The following GLB1L3 variants were observed in gnomAD, a reference collection of about 807,000 sequenced individuals.
GLB1L3 encodes galactosidase beta 1 like 3, also known as beta-galactosidase-1-like protein 3.
In GLB1L3, 89 loss-of-function variants were observed where a neutral mutation model predicts 89.5. That is an observed-to-expected ratio of 0.99 (90% confidence interval 0.84 to 1.19). GLB1L3 has a LOEUF of 1.19. GLB1L3 is among the 50% of genes most tolerant of loss of function. GLB1L3 has a pLI of 0.00. For synonymous variants in GLB1L3, 314 were observed against 312.3 expected (o/e 1.01, Z -0.06); for missense variants, 812 against 813.3 (o/e 1.00, Z 0.02).
intron 14 of GLB1L3, 133 bp downstream of exon 14, chr11:134,312,622 T>G: frequency 8.4e-7 from 1 of 1,194,062 alleles, no homozygotes; most frequent in South Asian, 1.5e-5. Context: ...GACTAAAAAG[T>G]CAGGCCAAAT....
intron 11 of GLB1L3, 100 bp from the exon 12 acceptor site, chr11:134,310,471 G>A (rs779099170): frequency 3.7e-6 from 3 of 814,484 alleles, no homozygotes; most frequent in Non-Finnish European, 6.1e-6. Context: ...TCTTCCTTTT[G>A]TCTCACTCAC....
In GLB1L3 at chr11:134,277,859, C is replaced by G; in HGVS notation, c.309C>G (p.Tyr103Ter). 1 of 1,614,084 alleles carries G rather than the reference C, an allele frequency of 6.2e-7. No homozygotes were observed. The highest frequency in any genetic ancestry group is 1.1e-5 in the South Asian group (1 of 91,084). The change falls in exon 3 of 20, where the codon TAC (tyrosine) becomes TAG (stop). Residue 103 changes from tyrosine (Y) to a stop codon, truncating the protein, a stop_gained. Coordinates refer to ENST00000431683, the MANE Select transcript of GLB1L3 (RefSeq NM_001080407.3). LOFTEE classifies it high-confidence loss of function. The part of the protein sequence containing the change: ...SIHYFRVPRE[Y>*]WRDRLLKLKA... Reference sequence around the variant, plus strand: ...ACTATTTCCGGGTGCCCAGGGAGTACTGGAGGGACCGCCTGCTGAAGCTGA... The same window carrying G: ...ACTATTTCCGGGTGCCCAGGGAGTAGTGGAGGGACCGCCTGCTGAAGCTGA...
intron 9 of GLB1L3, among the ~76,000 whole-genome samples, chr11:134,303,560 T>G (rs569901210): frequency 4.7e-4 from 71 of 152,338 alleles, no homozygotes; most frequent in African/African-American, 1.5e-3. Flanking sequence ...CTGAGTCCCC[T>G]GCAGTCTAAA....
chr11:134,323,444 G>A (rs1943190461), downstream of GLB1L3, among the ~76,000 whole-genome samples: 1 of 151,868 alleles, frequency 6.6e-6, no homozygotes, highest in Admixed American at 6.6e-5. Context: ...GCCTGGTGGT[G>A]GGTGCATGTA....
chr11:134,313,780 A>C (rs953971954), intron 16 of GLB1L3, among the ~76,000 whole-genome samples, 161 bp from the exon 17 acceptor site: 10 of 152,240 alleles, frequency 6.6e-5, no homozygotes, highest in African/African-American at 2.4e-4. Context: ...GGAAACATAC[A>C]GCTAGAACCC....
In GLB1L3 at chr11:134,293,226, A is replaced by T; in HGVS notation, c.876+17A>T. On this transcript the variant is annotated intron_variant, in intron 9 of 19. Transcript: ENST00000431683. ...AAAGTCCAGGTAAGACATTTCAGAC[A>T]GGCAGGGTTTTACAGCTCCTCCTAC... is the stretch of plus-strand genomic sequence containing the variant. The T allele has an allele frequency of 6.2e-7, 1 of 1,608,332 alleles. No homozygotes were observed.
At chr11:134,322,955 C>T (rs577121326), downstream of GLB1L3, among the ~76,000 whole-genome samples, 53 of 152,280 alleles carry the variant, frequency 3.5e-4, no homozygotes, top group Middle Eastern at 3.4e-3. Context: ...CTGGGTCATA[C>T]GGTAATTCTG....
At chr11:134,321,947 A>G (rs1166774592), downstream of GLB1L3, among the ~76,000 whole-genome samples, 1 of 152,194 alleles carries the variant, frequency 6.6e-6, no homozygotes, top group African/African-American at 2.4e-5. Flanking sequence ...AGAAACACAT[A>G]TTAAGACAGT....
chr11:134,292,721 A>AG (rs1213979724), intron 8 of GLB1L3: 1 of 291,140 alleles, frequency 3.4e-6, no homozygotes, highest in Admixed American at 4.9e-5. Flanking sequence ...AGATGGCAAT[A>AG]GTGAGGGACA....
At chr11:134,306,854 CAG>C (rs1942227923) in intron 9 of GLB1L3, among the ~76,000 whole-genome samples, 1 of 152,340 alleles carries the variant, frequency 6.6e-6, no homozygotes, top group African/African-American at 2.4e-5. Flanking sequence ...TTGGGTGAGA[CAG>C]GGTTGAAATT....
At position 134,276,896 on chromosome 11, in the gene GLB1L3, G is replaced by A. The variant is rs936881982; in HGVS notation, c.23+133G>A. 72 of 769,978 alleles carry A rather than the reference G, an allele frequency of 9.4e-5. 1 individual carries two copies. The African/African-American group carries it at 1.0e-3, about 11-fold the overall frequency. The allele number at this position is 769,978 out of a possible 1,614,324, so 47.7% of individuals were successfully genotyped here. Reference sequence around the variant, plus strand: ...CGCGCCGGGCCGCGCCACCAAGCCCGCTGTCCCCAGCTTTCCTCGGCAGAT... The same window carrying A: ...CGCGCCGGGCCGCGCCACCAAGCCCACTGTCCCCAGCTTTCCTCGGCAGAT... On this transcript the variant is annotated intron_variant, in intron 1 of 19. Transcript: ENST00000431683.
In GLB1L3 at chr11:134,308,472, A is replaced by ATC. The variant is rs761214840; in HGVS notation, c.962-1154_962-1153insTC. ...CACCACCACCACCACCACCACCACC[A>ATC]AATACCACCACCACCATCACCACCA... On this transcript the variant is annotated intron_variant, in intron 10 of 19. Transcript: ENST00000431683. Among the ~76,000 whole-genome samples the ATC allele has an allele frequency of 1.2e-3, 6 of 5,074 alleles. 2 individuals are homozygous for ATC. Among genetic ancestry groups the ATC allele is most frequent in the African/African-American group, 3.7e-3 (4 of 1,094 alleles). 3.3% of individuals were successfully genotyped at this position (5,074 alleles called of 152,430 possible). A position where few individuals can be genotyped will look rare whatever the true frequency, so the allele number is the denominator to read the frequency against.
chr11:134,284,710 C>T (rs1170417221), intron 6 of GLB1L3, among the ~76,000 whole-genome samples: 1 of 152,044 alleles, frequency 6.6e-6, no homozygotes, highest in Non-Finnish European at 1.5e-5. Context: ...GCCTGGGCAA[C>T]AGAGTGACAC....
intron 10 of GLB1L3, among the ~76,000 whole-genome samples, chr11:134,308,591 ACCATCACCT>A (rs1942531755): frequency 6.9e-6 from 1 of 144,876 alleles, no homozygotes; most frequent in Non-Finnish European, 1.5e-5. Flanking sequence ...CACCATCATC[ACCATCACCT>A]CCACCACCAC....
At chr11:134,290,001 G>A (rs369966037) in intron 7 of GLB1L3, among the ~76,000 whole-genome samples, 4 of 152,354 alleles carry the variant, frequency 2.6e-5, no homozygotes, top group Admixed American at 6.5e-5. Context: ...GGGCGGGAAG[G>A]AGAGGGGTCC....
chr11:134,286,391 C>CAA (rs1940983750), intron 6 of GLB1L3, among the ~76,000 whole-genome samples: 1 of 152,198 alleles, frequency 6.6e-6, no homozygotes, highest in Admixed American at 6.5e-5. Context: ...AGTTGAGGTA[C>CAA]ATCTTTTGTT....
In GLB1L3 at chr11:134,319,176, A is replaced by T. The variant is rs1591600883; in HGVS notation, c.*234A>T. On this transcript the variant is annotated 3_prime_UTR_variant, in exon 20 of 20. Coordinates refer to ENST00000431683, the MANE Select transcript of GLB1L3 (RefSeq NM_001080407.3). ...TCACCAAGTTAGCCAGGATGGTCCC[A>T]ATCTCCTGACCTTGTGATCTGCTCT... 1 of 466,084 alleles carries T rather than the reference A, an allele frequency of 2.1e-6. No individual in the cohort carries two copies. Among genetic ancestry groups the T allele is most frequent in the Non-Finnish European group, 3.9e-6 (1 of 258,346 alleles). 28.9% of individuals were successfully genotyped at this position (466,084 alleles called of 1,614,324 possible).
At chr11:134,312,297 G>T in intron 13 of GLB1L3, 52 bp from the exon 14 acceptor site, 2 of 1,596,336 alleles carry the variant, frequency 1.3e-6, no homozygotes, top group Non-Finnish European at 1.7e-6. Flanking sequence ...TAGGAAGGAG[G>T]ATCCTGACTG....
Position 134,277,336 on chromosome 11 carries a change from T to C in GLB1L3, c.34T>C (p.Ser12Pro). The change falls in exon 2 of 20, where the codon TCC becomes CCC. Residue 12 changes from serine to proline, a missense_variant. Coordinates refer to ENST00000431683, the MANE Select transcript of GLB1L3 (RefSeq NM_001080407.3). ...KSPPLLSPCL[S>P]WKRMAGIFFL... ...CCTTTCTCCTTTCAGCCCGTGTCTC[T>C]CCTGGAAGAGAATGGCGGGCATCTT... 1.2e-6 allele frequency: 2 copies of C among 1,613,960 alleles called. No individual in the cohort carries two copies. Among genetic ancestry groups the C allele is most frequent in the Non-Finnish European group, 1.7e-6 (2 of 1,179,888 alleles).
Sources: gnomAD v4.1 joint callset for allele counts (sites outside exome capture counted in the v4.1 genomes callset) on GRCh38, gnomAD v4.1.1 for gene constraint, MANE v1.5 for transcripts, NCBI Gene and HGNC (gene_info 2026-07-23, HGNC 2026-07-21) for gene names.